Variants in LPP observed in about 807,000 individuals in gnomAD.
The protein encoded by LPP is LIM domain containing preferred translocation partner in lipoma.
Under a neutral mutation model 60.4 loss-of-function variants are expected in LPP, and 38 were observed. The ratio of observed to expected loss-of-function variants is 0.63; its 90% confidence interval spans 0.49 to 0.83. LPP has a LOEUF of 0.83. Ranked by LOEUF, LPP falls within the 40% of genes least tolerant of loss-of-function variation. The probability of loss-of-function intolerance (pLI) is 0.00; values close to 1 mark genes in which losing one functional copy is unlikely to be tolerated. For synonymous variants in LPP, 328 were observed against 290.8 expected (o/e 1.13, Z -1.30); for missense variants, 902 against 783.6 (o/e 1.15, Z -1.80).
At chr3:188,713,658 A>T (rs1211655838) in intron 8 of LPP, among the ~76,000 whole-genome samples, 1 of 152,174 alleles carries the variant, frequency 6.6e-6, no homozygotes, top group Non-Finnish European at 1.5e-5. Flanking sequence ...ATATACGTAG[A>T]CAAACAGAGA....
chr3:188,844,689 A>G (rs1760990429), intron 9 of LPP, among the ~76,000 whole-genome samples: 1 of 152,232 alleles, frequency 6.6e-6, no homozygotes, highest in Non-Finnish European at 1.5e-5. Context: ...CTCTTTGGAC[A>G]TATGCTTTGC....
chr3:188,827,735 C>T (rs1458593108), intron 9 of LPP, among the ~76,000 whole-genome samples: 1 of 152,116 alleles, frequency 6.6e-6, no homozygotes, highest in Non-Finnish European at 1.5e-5. Context: ...CAGCATGTAA[C>T]AGCATTATGG....
Position 188,573,451 on chromosome 3 carries a change from G to A in LPP, c.430-35710G>A, listed in dbSNP as rs981355071. 2.6e-5 allele frequency among the ~76,000 whole-genome samples: 4 copies of A among 152,018 alleles called. No homozygotes were observed. In the South Asian group the frequency reaches 8.3e-4, roughly 31 times the overall value. On this transcript the variant is annotated intron_variant, in intron 6 of 11. Coordinates refer to ENST00000617246, the MANE Select transcript of LPP (RefSeq NM_001375462.1). The stretch of plus-strand genomic sequence containing the variant: ...ACAATGACTGCTGTGTTCTTTTGGC[G>A]CCTCATCTTCAGAAACCAGGGGCCC...
At chr3:188,710,160 A>C (rs564992668) in intron 8 of LPP, 2 of 152,244 alleles carry the variant, frequency 1.3e-5, no homozygotes, top group East Asian at 3.8e-4. Context: ...ATATGGGAAT[A>C]TGTAATGACA....
At chr3:188,533,772 A>T (rs116122239) in intron 6 of LPP, among the ~76,000 whole-genome samples, 1 of 152,200 alleles carries the variant, frequency 6.6e-6, no homozygotes, top group African/African-American at 2.4e-5. Flanking sequence ...GAAAACTTCA[A>T]CAGTTAAATA....
At chr3:188,437,339 TTAGG>T (rs1792586086) in intron 4 of LPP, among the ~76,000 whole-genome samples, 2 of 152,216 alleles carry the variant, frequency 1.3e-5, no homozygotes, top group Non-Finnish European at 2.9e-5. Context: ...GTTCCTGCTA[TTAGG>T]ATAATTTGAT....
rs60989319 is a variant in LPP, at chr3:188,804,243, TTATATATATATATATA to T, written c.1410+43986_1410+44001del. Among the ~76,000 whole-genome samples the T allele has an allele frequency of 1.0e-3, 38 of 37,712 alleles. 2 individuals carry two copies. Among genetic ancestry groups the T allele is most frequent in the East Asian group, 6.1e-3 (3 of 494 alleles). 24.7% of individuals were successfully genotyped at this position (37,712 alleles called of 152,430 possible). A position where few individuals can be genotyped will look rare whatever the true frequency, so the allele number is the denominator to read the frequency against. On this transcript the variant is annotated intron_variant, in intron 9 of 11. Coordinates refer to ENST00000617246, the MANE Select transcript of LPP (RefSeq NM_001375462.1). ...ATTATGTTTTCAATGTAGTGCATCTTTATATATATATATATATATATATATATATATATATATATAA... is the reference window on the plus strand; with the variant it reads ...ATTATGTTTTCAATGTAGTGCATCTTTATATATATATATATATATATATAA...
intron 6 of LPP, among the ~76,000 whole-genome samples, chr3:188,534,963 A>G (rs941282745): frequency 1.3e-5 from 2 of 152,240 alleles, no homozygotes; most frequent in Non-Finnish European, 2.9e-5. Flanking sequence ...TATATTAATT[A>G]TAAAGACAAA....
chr3:188,653,067 G>C (rs1021587066), intron 7 of LPP, among the ~76,000 whole-genome samples: 1 of 152,190 alleles, frequency 6.6e-6, no homozygotes, highest in African/African-American at 2.4e-5. Flanking sequence ...CTCAAGAAGA[G>C]TCGTCTTGAG....
intron 4 of LPP, among the ~76,000 whole-genome samples, chr3:188,457,756 A>ATAT (rs1181909023): frequency 6.8e-6 from 1 of 146,720 alleles, no homozygotes; most frequent in Non-Finnish European, 1.5e-5. Flanking sequence ...ATATATATAT[A>ATAT]AAATTAGCCA....
At chr3:188,732,532 TCA>T (rs1287081586) in intron 8 of LPP, among the ~76,000 whole-genome samples, 1 of 151,254 alleles carries the variant, frequency 6.6e-6, no homozygotes, top group Non-Finnish European at 1.5e-5. Flanking sequence ...CCGAGGCGGG[TCA>T]CGGTGAAACC....
chr3:188,482,261 AGGCAGTTAT>A (rs1805009252), intron 4 of LPP, among the ~76,000 whole-genome samples: 1 of 152,152 alleles, frequency 6.6e-6, no homozygotes, highest in Non-Finnish European at 1.5e-5. Context: ...GCCCATTCTC[AGGCAGTTAT>A]TTATAGCAGT....
intron 9 of LPP, among the ~76,000 whole-genome samples, chr3:188,768,426 A>C (rs1273354425): frequency 6.6e-6 from 1 of 152,328 alleles, no homozygotes; most frequent in East Asian, 1.9e-4. Flanking sequence ...ACCACATAAT[A>C]AAACATTCCA....
At chr3:188,356,148 C>T (rs1429654232) in intron 3 of LPP, among the ~76,000 whole-genome samples, 19 of 152,170 alleles carry the variant, frequency 1.2e-4, no homozygotes, top group Non-Finnish European at 1.0e-4. Flanking sequence ...TTGCTAGTGC[C>T]CATTCGTTGA....
chr3:188,640,531 A>G (rs1166241009), intron 7 of LPP, among the ~76,000 whole-genome samples: 1 of 150,378 alleles, frequency 6.6e-6, no homozygotes, highest in Non-Finnish European at 1.5e-5. Flanking sequence ...TAATAATAAT[A>G]ATAATAAAAG....
At chr3:188,193,211 G>A (rs1728653219) in intron 1 of LPP, among the ~76,000 whole-genome samples, 1 of 152,112 alleles carries the variant, frequency 6.6e-6, no homozygotes, top group African/African-American at 2.4e-5. Flanking sequence ...GTTTATTACT[G>A]TACAAGAAGA....
At chr3:188,492,316 T>C (rs4541397) in intron 5 of LPP, among the ~76,000 whole-genome samples, 123,278 of 152,128 alleles carry the variant, frequency 0.81, 51,216 homozygotes, top group Middle Eastern at 0.91. Flanking sequence ...TCAAGAGTCT[T>C]AGTGGTTTCT....
intron 9 of LPP, among the ~76,000 whole-genome samples, chr3:188,794,026 G>A (rs1744609508): frequency 6.6e-6 from 1 of 152,104 alleles, no homozygotes; most frequent in Non-Finnish European, 1.5e-5. Flanking sequence ...TTCAGGCAAT[G>A]AATTCAGCCT....
intron 1 of LPP, among the ~76,000 whole-genome samples, chr3:188,190,703 T>C (rs924983844): frequency 6.6e-6 from 1 of 152,184 alleles, no homozygotes; most frequent in Non-Finnish European, 1.5e-5. Flanking sequence ...TGTTTTTACA[T>C]CCTAGTCCAT....
Sources: allele counts gnomAD v4.1 joint callset (sites outside exome capture counted in the v4.1 genomes callset), GRCh38; gene constraint gnomAD v4.1.1; transcripts MANE v1.5; gene names NCBI Gene and HGNC (gene_info 2026-07-23, HGNC 2026-07-21).